Variants in IGF2BP2 observed in about 807,000 individuals in gnomAD.
IGF2BP2 encodes the protein insulin-like growth factor 2 mRNA-binding protein 2.
IGF2BP2 carries 17 observed loss-of-function variants against 75.8 expected under a neutral mutation model. That is an observed-to-expected ratio of 0.22 (90% CI 0.15 to 0.34). IGF2BP2 has a LOEUF of 0.34. Ranked by LOEUF, IGF2BP2 falls within the 10% of genes least tolerant of loss-of-function variation. The probability of loss-of-function intolerance (pLI) is 1.00; values close to 1 mark genes in which losing one functional copy is unlikely to be tolerated. For missense variants in IGF2BP2, 516 were observed against 772.4 expected (o/e 0.67, Z 3.93); for synonymous variants, 288 against 295.6 (o/e 0.97, Z 0.26).
chr3:185,719,256 G>C (rs951287915), intron 2 of IGF2BP2, among the ~76,000 whole-genome samples: 3 of 152,178 alleles, frequency 2.0e-5, no homozygotes, highest in African/African-American at 7.2e-5. Flanking sequence ...TTATTTGTGA[G>C]ATAAGGATAG....
At chr3:185,660,707 AC>A (rs1716297713) in intron 10 of IGF2BP2, among the ~76,000 whole-genome samples, 1 of 151,672 alleles carries the variant, frequency 6.6e-6, no homozygotes, top group African/African-American at 2.4e-5. Context: ...GCTTCTAAGG[AC>A]CCCCTGGAAA....
chr3:185,696,900 T>A (rs896377018), intron 3 of IGF2BP2, among the ~76,000 whole-genome samples: 1 of 152,228 alleles, frequency 6.6e-6, no homozygotes, highest in African/African-American at 2.4e-5. Flanking sequence ...CACAGCAGAA[T>A]TTCAGACTCT....
intron 10 of IGF2BP2, among the ~76,000 whole-genome samples, chr3:185,664,535 T>C (rs1716982926): frequency 6.6e-6 from 1 of 152,160 alleles, no homozygotes; most frequent in Non-Finnish European, 1.5e-5. Context: ...TTTTACAAAA[T>C]TGTGATTTGA....
At chr3:185,801,895 T>G (rs930540305) in intron 2 of IGF2BP2, among the ~76,000 whole-genome samples, 2 of 151,932 alleles carry the variant, frequency 1.3e-5, no homozygotes, top group Non-Finnish European at 2.9e-5. Flanking sequence ...AAGCCATCAT[T>G]CTCGGCAAAC....
At chr3:185,752,565 G>C (rs990794741) in intron 2 of IGF2BP2, among the ~76,000 whole-genome samples, 1 of 151,926 alleles carries the variant, frequency 6.6e-6, no homozygotes, top group South Asian at 2.1e-4. Context: ...ATTCCCCAGG[G>C]CCTAAAGGTA....
intron 2 of IGF2BP2, among the ~76,000 whole-genome samples, chr3:185,737,019 A>T (rs1259369828): frequency 6.6e-6 from 1 of 152,244 alleles, no homozygotes; most frequent in Admixed American, 6.5e-5. Context: ...TTACAAGCTA[A>T]CAAGTGTCAC....
intron 2 of IGF2BP2, among the ~76,000 whole-genome samples, chr3:185,777,916 C>A (rs1734717999): frequency 6.6e-6 from 1 of 151,866 alleles, no homozygotes; most frequent in South Asian, 2.1e-4. Context: ...CAGTGATGCA[C>A]ATCTGTAATC....
In IGF2BP2 at chr3:185,647,012, C is replaced by G. The variant is rs1191604761; in HGVS notation, c.1707+13G>C. ...AGACTTGCAGGAGAGACAGGGCCCT[C>G]ACAGCACAGTACCTGGCTAGCAAAG... On this transcript the variant is annotated intron_variant, in intron 15 of 15. Coordinates refer to ENST00000382199, the MANE Select transcript of IGF2BP2 (RefSeq NM_006548.6). The surrounding 1 kb of genome is among the most constrained non-coding windows in gnomAD (Gnocchi z 4.9). 1.3e-6 allele frequency: 2 copies of G among 1,589,972 alleles called. No individual in the cohort carries two copies. Among genetic ancestry groups the G allele is most frequent in the African/African-American group, 2.7e-5 (2 of 74,398 alleles).
chr3:185,797,641 T>A (rs1737604995), intron 2 of IGF2BP2, among the ~76,000 whole-genome samples: 1 of 152,154 alleles, frequency 6.6e-6, no homozygotes, highest in South Asian at 2.1e-4. Flanking sequence ...CAGTGGCTCA[T>A]GCCTGTAATC....
intron 2 of IGF2BP2, among the ~76,000 whole-genome samples, chr3:185,761,028 A>G (rs1017607467): frequency 3.9e-5 from 6 of 152,162 alleles, no homozygotes; most frequent in Non-Finnish European, 8.8e-5. Flanking sequence ...GGAACCAGTA[A>G]AGAATGAATG....
At chr3:185,772,287 C>T (rs1479289685) in intron 2 of IGF2BP2, among the ~76,000 whole-genome samples, 3 of 152,132 alleles carry the variant, frequency 2.0e-5, no homozygotes, top group Non-Finnish European at 4.4e-5. Context: ...AAGAGTTTTC[C>T]CTACTGTAAG....
chr3:185,718,220 G>C (rs1479416850), intron 2 of IGF2BP2: 1 of 152,202 alleles, frequency 6.6e-6, no homozygotes, highest in Non-Finnish European at 1.5e-5. Flanking sequence ...GGCAGCGCTG[G>C]GTAGTTGTGA....
intron 2 of IGF2BP2, among the ~76,000 whole-genome samples, chr3:185,775,968 G>T (rs1734485138): frequency 6.6e-6 from 1 of 152,170 alleles, no homozygotes; most frequent in African/African-American, 2.4e-5. Context: ...TAGGCAAATG[G>T]CAAGGTGGCT....
chr3:185,729,027 CTGTTG>C (rs1727761075), intron 2 of IGF2BP2, among the ~76,000 whole-genome samples: 1 of 152,176 alleles, frequency 6.6e-6, no homozygotes, highest in Non-Finnish European at 1.5e-5. Context: ...CGTACGCTCA[CTGTTG>C]TGTACTCTTA....
intron 2 of IGF2BP2, among the ~76,000 whole-genome samples, chr3:185,751,888 G>A (rs1411958876): frequency 2.0e-5 from 3 of 151,812 alleles, no homozygotes; most frequent in Non-Finnish European, 2.9e-5. Context: ...GCAGGAACCC[G>A]CAAGGCAGAG....
intron 2 of IGF2BP2, among the ~76,000 whole-genome samples, chr3:185,735,920 C>T (rs528696075): frequency 9.2e-5 from 14 of 152,140 alleles, no homozygotes; most frequent in East Asian, 7.7e-4. Flanking sequence ...CCACAGAAAA[C>T]GGGGGAGAAG....
intron 5 of IGF2BP2, among the ~76,000 whole-genome samples, chr3:185,691,295 T>A (rs1721921533): frequency 6.6e-6 from 1 of 150,822 alleles, no homozygotes. Flanking sequence ...ATGGGGTTTC[T>A]CCATGTTGGT....
intron 10 of IGF2BP2, among the ~76,000 whole-genome samples, chr3:185,668,448 A>T (rs754603374): frequency 2.7e-5 from 4 of 150,262 alleles, no homozygotes; most frequent in Non-Finnish European, 5.9e-5. Context: ...GGCTGAAGGG[A>T]AATGTTTACA....
intron 2 of IGF2BP2, among the ~76,000 whole-genome samples, chr3:185,820,760 TGAGAAATCA>T (rs1254894882): frequency 1.3e-5 from 2 of 152,174 alleles, no homozygotes; most frequent in Non-Finnish European, 2.9e-5. Flanking sequence ...AACTAATTCT[TGAGAAATCA>T]AAGAAATCAC....
Sources: gnomAD v4.1 joint callset for allele counts (sites outside exome capture counted in the v4.1 genomes callset) on GRCh38, gnomAD v4.1.1 for gene constraint, Gnocchi (gnomAD v3.1) non-coding constraint, MANE v1.5 for transcripts, NCBI Gene and HGNC (gene_info 2026-07-23, HGNC 2026-07-21) for gene names.